Variants in CAMTA1 observed in about 807,000 individuals in gnomAD.
CAMTA1 encodes calmodulin-binding transcription activator 1.
Under a neutral mutation model 170.9 loss-of-function variants are expected in CAMTA1, and 27 were observed. The observed-to-expected ratio is 0.16, with a 90% CI of 0.12 to 0.22. CAMTA1 has a LOEUF of 0.22. CAMTA1 is among the 10% of genes least tolerant of loss of function. The pLI is 1.00. For missense variants in CAMTA1, 1,619 were observed against 2,217.2 expected, an observed-to-expected ratio of 0.73 and a Z score of 5.42; for synonymous variants, 833 against 891.5, an observed-to-expected ratio of 0.93 and a Z score of 1.17.
At chr1:7,382,927 T>G (rs1214439619) in intron 5 of CAMTA1, among the ~76,000 whole-genome samples, 2 of 152,188 alleles carry the variant, frequency 1.3e-5, no homozygotes, top group African/African-American at 4.8e-5. Flanking sequence ...ATGCTTTCCT[T>G]TTGCCAATGA....
chr1:7,207,348 C>G (rs1657923219), intron 4 of CAMTA1, among the ~76,000 whole-genome samples: 2 of 152,204 alleles, frequency 1.3e-5, no homozygotes, highest in African/African-American at 4.8e-5. Context: ...AGGTTGCTGA[C>G]ACTGACAGGG....
At chr1:7,548,361 G>A (rs2094729269) in intron 6 of CAMTA1, among the ~76,000 whole-genome samples, 1 of 152,146 alleles carries the variant, frequency 6.6e-6, no homozygotes, top group East Asian at 1.9e-4. Context: ...CATGCAGGGT[G>A]CGCCTTAGGA....
In CAMTA1 at chr1:6,971,518, C is replaced by T. The variant is rs905981616; in HGVS notation, c.235-119786C>T. On this transcript the variant is annotated intron_variant, in intron 3 of 22. Coordinates refer to ENST00000303635, the MANE Select transcript of CAMTA1 (RefSeq NM_015215.4). This position sits in a 1 kb window ranked among gnomAD's most constrained non-coding sequence, Gnocchi z 4.6. ...ACCCCCACCCTCACTACTAATTTTACGTTGTCTTTGGAGTTGCTCAGGGGC... is the reference window on the plus strand; with the variant it reads ...ACCCCCACCCTCACTACTAATTTTATGTTGTCTTTGGAGTTGCTCAGGGGC... 2.6e-5 allele frequency among the ~76,000 whole-genome samples: 4 copies of T among 151,934 alleles called. No individual in the cohort carries two copies. Among genetic ancestry groups the T allele is most frequent in the Admixed American group, 6.6e-5 (1 of 15,254 alleles).
At chr1:6,873,595 T>A (rs1345150521) in intron 3 of CAMTA1, among the ~76,000 whole-genome samples, 1 of 152,246 alleles carries the variant, frequency 6.6e-6, no homozygotes, top group East Asian at 1.9e-4. Flanking sequence ...ACTTTATTTG[T>A]AAGTCCAGTA....
intron 11 of CAMTA1, among the ~76,000 whole-genome samples, chr1:7,724,100 C>T (rs1048040181): frequency 3.3e-5 from 5 of 152,228 alleles, no homozygotes; most frequent in Admixed American, 1.3e-4. Flanking sequence ...ATTACAGGCG[C>T]GAGCCACTGC....
rs544550178 is a variant in CAMTA1, at chr1:7,603,883, A to G, written c.511-36517A>G. Among the ~76,000 whole-genome samples, 311 of 152,278 alleles carry G rather than the reference A, an allele frequency of 2.0e-3. 11 individuals carry two copies. The highest frequency in any genetic ancestry group is 0.02 in the Admixed American group (300 of 15,290). ...GCTCTTTTAGGGCAGGCCTGGTGGT[A>G]ACAAAATCTCTCAGCGTTTGCTTGT... On this transcript the variant is annotated intron_variant, in intron 6 of 22. Coordinates refer to ENST00000303635, the MANE Select transcript of CAMTA1 (RefSeq NM_015215.4).
At chr1:6,928,585 C>A (rs915488278) in intron 3 of CAMTA1, among the ~76,000 whole-genome samples, 15 of 152,152 alleles carry the variant, frequency 9.9e-5, no homozygotes, top group African/African-American at 3.6e-4. Flanking sequence ...TCCCAGAGAG[C>A]CCCTTACTTG....
chr1:6,975,993 C>T (rs753271029), intron 3 of CAMTA1, among the ~76,000 whole-genome samples: 5 of 152,182 alleles, frequency 3.3e-5, no homozygotes, highest in Admixed American at 2.6e-4. Flanking sequence ...CCTTCCTTTC[C>T]GCTGCTGAGT....
At chr1:7,009,649 C>T (rs1453475264) in intron 3 of CAMTA1, among the ~76,000 whole-genome samples, 3 of 152,342 alleles carry the variant, frequency 2.0e-5, no homozygotes, top group Admixed American at 1.3e-4. Context: ...AGCTCGGGGG[C>T]GAGTGTGAGC....
At chr1:6,874,992 TTCATCCCAGGGCTTTCCATACATTTTAA>T (rs1669425510) in intron 3 of CAMTA1, among the ~76,000 whole-genome samples, 2 of 152,226 alleles carry the variant, frequency 1.3e-5, no homozygotes, top group African/African-American at 4.8e-5. Context: ...CTGTTACATA[TTCATCCCAGGGCTTTCCATACATTTTAA>T]TCATCCACAT....
At position 7,707,725 on chromosome 1, in the gene CAMTA1, C is replaced by T. The variant is rs573328098; in HGVS notation, c.2915-24723C>T. On this transcript the variant is annotated intron_variant, in intron 11 of 22. Coordinates refer to ENST00000303635, the MANE Select transcript of CAMTA1 (RefSeq NM_015215.4). ...AAAAACCACAAGTTAGTATTACTCA[C>T]ATTTAACATTTCAGAAGTGCTTATT... 8.5e-5 allele frequency among the ~76,000 whole-genome samples: 13 copies of T among 152,322 alleles called. No individual in the cohort carries two copies. In the East Asian group the frequency reaches 1.9e-3, roughly 23 times the overall value.
At chr1:7,214,481 C>T (rs1290622525) in intron 4 of CAMTA1, among the ~76,000 whole-genome samples, 2 of 152,182 alleles carry the variant, frequency 1.3e-5, no homozygotes, top group Non-Finnish European at 2.9e-5. Context: ...ATTCTCCTGC[C>T]TCAGCCTCCC....
chr1:7,192,655 C>T (rs984805556), intron 4 of CAMTA1, among the ~76,000 whole-genome samples: 1 of 152,194 alleles, frequency 6.6e-6, no homozygotes, highest in African/African-American at 2.4e-5. Flanking sequence ...CCTGAGTGCA[C>T]GCTGCCCGCC....
At chr1:7,206,070 A>G (rs927675698) in intron 4 of CAMTA1, among the ~76,000 whole-genome samples, 1 of 152,188 alleles carries the variant, frequency 6.6e-6, no homozygotes, top group African/African-American at 2.4e-5. Flanking sequence ...CTGTCAACTC[A>G]TACACCAGTA....
intron 2 of CAMTA1, among the ~76,000 whole-genome samples, chr1:6,821,909 T>A (rs537604104): frequency 6.6e-6 from 1 of 152,286 alleles, no homozygotes; most frequent in East Asian, 1.9e-4. Context: ...ACCTTGTAGG[T>A]TGACTAGAAA....
chr1:7,567,293 A>T (rs1327371993), intron 6 of CAMTA1, among the ~76,000 whole-genome samples: 1 of 152,198 alleles, frequency 6.6e-6, no homozygotes, highest in Non-Finnish European at 1.5e-5. Flanking sequence ...GGTGATGAGG[A>T]CCAGGGCAGG....
At chr1:7,212,578 A>G (rs1658973346) in intron 4 of CAMTA1, among the ~76,000 whole-genome samples, 1 of 152,230 alleles carries the variant, frequency 6.6e-6, no homozygotes, top group African/African-American at 2.4e-5. Context: ...ATGCAGTTGT[A>G]AGAACTAATA....
intron 6 of CAMTA1, among the ~76,000 whole-genome samples, chr1:7,626,376 G>T (rs1053239717): frequency 1.3e-5 from 2 of 152,160 alleles, no homozygotes; most frequent in East Asian, 1.9e-4. Context: ...GCAGAGGAAG[G>T]GTGGCCCCAT....
chr1:7,573,629 C>A (rs2095152086), intron 6 of CAMTA1, among the ~76,000 whole-genome samples: 1 of 152,244 alleles, frequency 6.6e-6, no homozygotes, highest in Non-Finnish European at 1.5e-5. Flanking sequence ...CATTGGTACC[C>A]CTTGGCTTGC....
Sources: allele counts gnomAD v4.1 joint callset (sites outside exome capture counted in the v4.1 genomes callset), GRCh38; gene constraint gnomAD v4.1.1; non-coding constraint Gnocchi (gnomAD v3.1); transcripts MANE v1.5; gene names NCBI Gene and HGNC (gene_info 2026-07-23, HGNC 2026-07-21).